ARMC10: variants seen among roughly 807,000 people sequenced by gnomAD.
ARMC10 encodes armadillo repeat-containing protein 10.
ARMC10 carries 23 observed loss-of-function variants against 30.2 expected under a neutral mutation model. The observed-to-expected ratio is 0.76, with a 90% CI of 0.55 to 1.08. The LOEUF (loss-of-function observed/expected upper bound fraction) is 1.08, where lower values mean the gene tolerates loss of function less well. Among genes scored for constraint, ARMC10 ranks in the 50% least tolerant of loss-of-function variants. The probability of loss-of-function intolerance (pLI) is 0.00; values close to 1 mark genes in which losing one functional copy is unlikely to be tolerated. For synonymous variants in ARMC10, 111 were observed against 164.4 expected, an observed-to-expected ratio of 0.68 and a Z score of 2.48; for missense variants, 303 against 413.7, an observed-to-expected ratio of 0.73 and a Z score of 2.32.
chr7:103,097,279 G>T lies in ARMC10; in HGVS notation c.708G>T (p.Val236=), dbSNP rs375510365. Residue 236 remains valine (V), a splice_region_variant and synonymous_variant, in exon 6 of 7, where the codon GTG becomes GTT. Coordinates refer to ENST00000323716, the MANE Select transcript of ARMC10 (RefSeq NM_031905.5). The part of the protein sequence containing the change: ...VLLTGNGNTK[V]QVLKLLLNLS... ...AAGCCAGTATCATCTTCTTTCAGGT[G>T]CAAGTTTTGAAACTGCTTTTGAATT... is the stretch of plus-strand genomic sequence containing the variant. The T allele has an allele frequency of 1.2e-6, 2 of 1,613,466 alleles. No homozygotes were observed. The highest frequency in any genetic ancestry group is 1.7e-6 in the Non-Finnish European group (2 of 1,179,520).
intron 1 of ARMC10, 141 bp from the exon 2 acceptor site, chr7:103,075,636 G>GGA (rs1055445536): frequency 3.5e-6 from 3 of 868,682 alleles, no homozygotes; most frequent in Non-Finnish European, 5.0e-6. Flanking sequence ...GCGTCACAGC[G>GGA]GAGGATTAGA....
At chr7:103,085,606 C>CTTCTTTTTTTTTTTTTTTTTT (rs1563322299) in intron 3 of ARMC10, among the ~76,000 whole-genome samples, 1 of 130,582 alleles carries the variant, frequency 7.7e-6, no homozygotes, top group Non-Finnish European at 1.7e-5. Flanking sequence ...CATTTCTCTT[C>CTTCTTTTTTTTTTTTTTTTTT]TTTTTTTTTT....
chr7:103,093,544 T>A (rs560682599), intron 5 of ARMC10, among the ~76,000 whole-genome samples: 1 of 152,332 alleles, frequency 6.6e-6, no homozygotes, highest in East Asian at 1.9e-4. Context: ...CCAAAAGGTA[T>A]TGAAAATTAA....
chr7:103,087,214 T>C (rs1018697544), intron 4 of ARMC10, among the ~76,000 whole-genome samples: 2 of 152,240 alleles, frequency 1.3e-5, no homozygotes, highest in African/African-American at 2.4e-5. Context: ...AAATTAAGTG[T>C]ACTGTATGAG....
intron 5 of ARMC10, among the ~76,000 whole-genome samples, 167 bp downstream of exon 5, chr7:103,092,820 A>G (rs1801463436): frequency 6.6e-6 from 1 of 152,232 alleles, no homozygotes; most frequent in Non-Finnish European, 1.5e-5. Flanking sequence ...TTAACTTTTG[A>G]AAACCATCTG....
chr7:103,092,668 T>C lies in ARMC10; in HGVS notation c.705+15T>C, dbSNP rs1271846920. ...GAAACACGAAGGTATGAAGAGCTATTGTGTCAAGCTTATTAACATTGAAAT... is the reference window on the plus strand; with the variant it reads ...GAAACACGAAGGTATGAAGAGCTATCGTGTCAAGCTTATTAACATTGAAAT... On this transcript the variant is annotated intron_variant, in intron 5 of 6. Coordinates refer to ENST00000323716, the MANE Select transcript of ARMC10 (RefSeq NM_031905.5). The C allele has an allele frequency of 4.6e-6, 7 of 1,517,016 alleles. No homozygotes were observed. Among genetic ancestry groups the C allele is most frequent in the African/African-American group, 1.4e-5 (1 of 73,352 alleles). The allele number at this position is 1,517,016 out of a possible 1,614,324, so 94.0% of individuals were successfully genotyped here.
At chr7:103,096,178 C>A (rs1371229948) in intron 5 of ARMC10, 1 of 152,154 alleles carries the variant, frequency 6.6e-6, no homozygotes, top group Non-Finnish European at 1.5e-5. Context: ...TAGCTAGTCA[C>A]CCATTAGATA....
chr7:103,082,031 G>T, intron 2 of ARMC10: 1 of 381,666 alleles, frequency 2.6e-6, no homozygotes. Context: ...TAAAATAAGA[G>T]GTTTGGATGA....
intron 2 of ARMC10, among the ~76,000 whole-genome samples, chr7:103,079,508 G>A (rs1412112762): frequency 2.0e-5 from 3 of 152,134 alleles, no homozygotes; most frequent in Non-Finnish European, 4.4e-5. Context: ...AACAAGAGAA[G>A]GGTGTCTGCT....
In ARMC10 at chr7:103,075,197, G is replaced by A. The variant is rs1406761950; in HGVS notation, c.-76G>A. The A allele has an allele frequency of 5.7e-6, 6 of 1,060,934 alleles. No individual in the cohort carries two copies. The Admixed American group carries it at 1.5e-4, about 26-fold the overall frequency. The allele number at this position is 1,060,934 out of a possible 1,614,324, so 65.7% of individuals were successfully genotyped here. On this transcript the variant is annotated 5_prime_UTR_variant, in exon 1 of 7. Coordinates refer to ENST00000323716, the MANE Select transcript of ARMC10 (RefSeq NM_031905.5). ...TTTGCTGTGGCGGCTAGGCCCGCGT[G>A]CGCTGGAGACCTCCGCGCTGGCCCC...
chr7:103,083,218 C>G (rs1398752176), intron 2 of ARMC10: 2 of 447,260 alleles, frequency 4.5e-6, no homozygotes, highest in Non-Finnish European at 9.0e-6. Context: ...TAAGCCTACA[C>G]TTCCCAGCTG....
At chr7:103,079,330 G>GGAAAAAAAAA (rs1483884706) in intron 2 of ARMC10, among the ~76,000 whole-genome samples, 1 of 150,826 alleles carries the variant, frequency 6.6e-6, no homozygotes, top group Non-Finnish European at 1.5e-5. Context: ...TGAAGCTCGG[G>GGAAAAAAAAA]GAAAAAAAAA....
intron 4 of ARMC10, among the ~76,000 whole-genome samples, chr7:103,091,181 C>T (rs1294844267): frequency 1.3e-5 from 2 of 152,144 alleles, no homozygotes; most frequent in Non-Finnish European, 2.9e-5. Context: ...GTAATCTCAG[C>T]ACTTTGGGAG....
Position 103,098,385 on chromosome 7 carries a change from G to C in ARMC10, c.864G>C (p.Lys288Asn). 1 of 1,613,976 alleles carries C rather than the reference G, an allele frequency of 6.2e-7. No homozygotes were observed. Among genetic ancestry groups the C allele is most frequent in the South Asian group, 1.1e-5 (1 of 91,040 alleles). Residue 288 changes from lysine (K) to asparagine (N), a missense_variant, in exon 7 of 7, where the codon AAG (lysine) becomes AAC (asparagine). Transcript: ENST00000323716. ...TACTTACGCTATTTCAGAATATAAA[G>C]AACTGCCTCAAAATAGAAGGCCATT... The part of the protein sequence containing the change: ...LRVLTLFQNI[K>N]NCLKIEGHLA...
chr7:103,094,659 T>G (rs1801620017), intron 5 of ARMC10, among the ~76,000 whole-genome samples: 1 of 152,198 alleles, frequency 6.6e-6, no homozygotes, highest in Non-Finnish European at 1.5e-5. Context: ...CCAGGTGTTT[T>G]TTTCCTAACA....
intron 2 of ARMC10, among the ~76,000 whole-genome samples, chr7:103,079,514 C>T (rs997017000): frequency 1.3e-5 from 2 of 152,220 alleles, no homozygotes; most frequent in South Asian, 2.1e-4. Context: ...AGAAGGGTGT[C>T]TGCTATCACA....
chr7:103,076,443 A>G (rs1799833778), intron 2 of ARMC10, among the ~76,000 whole-genome samples: 1 of 152,224 alleles, frequency 6.6e-6, no homozygotes, highest in South Asian at 2.1e-4. Context: ...TTCCTGGAAG[A>G]GTAGGTTTCA....
chr7:103,092,456 A>G (rs1801428908), intron 4 of ARMC10, 21 bp from the exon 5 acceptor site: 2 of 1,525,558 alleles, frequency 1.3e-6, no homozygotes, highest in South Asian at 2.5e-5. Flanking sequence ...TAAGATGCTC[A>G]TTTTCCTCCC....
chr7:103,075,646 AT>A, intron 1 of ARMC10, 130 bp from the exon 2 acceptor site: 1 of 893,658 alleles, frequency 1.1e-6, no homozygotes, highest in South Asian at 2.0e-5. Context: ...GGAGGATTAG[AT>A]TTCTTAAAAA....
Sources: allele counts gnomAD v4.1 joint callset (sites outside exome capture counted in the v4.1 genomes callset), GRCh38; gene constraint gnomAD v4.1.1; transcripts MANE v1.5; gene names NCBI Gene and HGNC (gene_info 2026-07-23, HGNC 2026-07-21).